F8: variants seen among roughly 807,000 people sequenced by gnomAD.
The protein encoded by F8 is antihemophilic factor.
In F8, 12 loss-of-function variants were observed where a neutral mutation model predicts 140.6. The observed-to-expected ratio is 0.09, with a 90% confidence interval of 0.05 to 0.14. The LOEUF (loss-of-function observed/expected upper bound fraction) is 0.14. Among genes scored for constraint, F8 ranks in the 10% least tolerant of loss-of-function variants. F8 has a pLI of 1.00. For missense variants in F8, 1,354 were observed against 1,720.7 expected (o/e 0.79, Z 3.77); for synonymous variants, 585 against 614.6 (o/e 0.95, Z 0.71).
At position 154,992,750 on chromosome X, in the gene F8, G is replaced by A. The variant is rs781841332; in HGVS notation, c.601+186C>T. On this transcript the variant is annotated intron_variant, in intron 4 of 25. Transcript: ENST00000360256. ...TCCTGATCCCAGCTTAGAGTTTATT[G>A]TGGTTATATAGAATGCATATCTGCT... Among the ~76,000 whole-genome samples, 4 of 112,669 alleles carry A rather than the reference G, an allele frequency of 3.6e-5. No homozygotes were observed. The East Asian group carries it at 8.4e-4, about 24-fold the overall frequency.
At chrX:154,966,915 A>G (rs1244181366) in intron 7 of F8, among the ~76,000 whole-genome samples, 2 of 110,411 alleles carry the variant, frequency 1.8e-5, no homozygotes, top group Non-Finnish European at 3.8e-5. Context: ...TGAAAGCAGG[A>G]GCAAGACAGA....
chrX:154,943,971 G>A (rs1336841665), intron 13 of F8, among the ~76,000 whole-genome samples: 1 of 111,808 alleles, frequency 8.9e-6, no homozygotes. Flanking sequence ...GCCATATGTA[G>A]AAAGCTGAAA....
At position 154,954,804 on chromosome X, in the gene F8, A is replaced by G. The variant is rs28370211; in HGVS notation, c.1753-762T>C. On this transcript the variant is annotated intron_variant, in intron 11 of 25. Coordinates refer to ENST00000360256, the MANE Select transcript of F8 (RefSeq NM_000132.4). ...TTCCCAAAAGTGACGAAAAAACTAT[A>G]GTTAGGAAAAATCGGTCAGGACAAG... Among the ~76,000 whole-genome samples, 820 of 112,148 alleles carry G rather than the reference A, an allele frequency of 7.3e-3. 12 individuals are homozygous for G. Among genetic ancestry groups the G allele is most frequent in the African/African-American group, 0.024 (744 of 30,837 alleles).
At chrX:154,934,615 G>T (rs2073214216) in intron 13 of F8, among the ~76,000 whole-genome samples, 1 of 110,933 alleles carries the variant, frequency 9.0e-6, no homozygotes, top group South Asian at 3.9e-4. Flanking sequence ...GGGAGGGGAG[G>T]AAAGAAATTC....
At chrX:154,881,595 CGGGGGA>C (rs2072861377) in intron 22 of F8, among the ~76,000 whole-genome samples, 1 of 107,082 alleles carries the variant, frequency 9.3e-6, no homozygotes, top group Non-Finnish European at 1.9e-5. Flanking sequence ...GGAGCGGGGG[CGGGGGA>C]GGGGGCTCAT....
At chrX:154,847,911 G>T (rs1405497553) in intron 25 of F8, among the ~76,000 whole-genome samples, 1 of 112,795 alleles carries the variant, frequency 8.9e-6, no homozygotes, top group East Asian at 2.8e-4. Flanking sequence ...CCCCATCTTT[G>T]TGGTTTTATC....
chrX:154,853,079 G>A (rs11799036), intron 25 of F8, among the ~76,000 whole-genome samples: 49,999 of 109,513 alleles, frequency 0.46, 10,385 homozygotes, highest in East Asian at 0.74. Flanking sequence ...CATATTTGCT[G>A]TCTTCAGACC....
Position 154,928,731 on chromosome X carries a change from T to G in F8, c.5059A>C (p.Ile1687Leu). Residue 1687 changes from isoleucine to leucine, a missense_variant, in exon 14 of 26, where the codon ATA (isoleucine) becomes CTA (leucine). By Grantham distance (5) the Ile-to-Leu change is conservative. Around this residue, in one of 4 missense-constraint regions of F8, gnomAD observed 658 missense variants for 666.5 expected, o/e 0.99. Coordinates refer to ENST00000360256, the MANE Select transcript of F8 (RefSeq NM_000132.4). ...DQEEIDYDDT[I>L]SVEMKKEDFD... is the part of the protein sequence containing the mutation. ...TCTTCCTTCTTCATTTCAACTGATA[T>G]GGTATCATCATAGTCAATTTCCTCT... 1 of 1,210,931 alleles carries G rather than the reference T, an allele frequency of 8.3e-7. No individual in the cohort carries two copies. The highest frequency in any genetic ancestry group is 1.8e-5 in the South Asian group (1 of 56,727).
chrX:154,945,510 C>A (rs1459039376), intron 13 of F8, among the ~76,000 whole-genome samples: 1 of 112,177 alleles, frequency 8.9e-6, no homozygotes, highest in Non-Finnish European at 1.9e-5. Context: ...AACAAATGAT[C>A]ATTTCAATTG....
At position 155,022,557 on chromosome X, in the gene F8, T is replaced by A; in HGVS notation, c.-5A>T. 8.2e-7 allele frequency: 1 copy of A among 1,212,142 alleles called. No individual in the cohort carries two copies. The highest frequency in any genetic ancestry group is 1.1e-6 in the Non-Finnish European group (1 of 895,516). On this transcript the variant is annotated 5_prime_UTR_variant, in exon 1 of 26. Coordinates refer to ENST00000360256, the MANE Select transcript of F8 (RefSeq NM_000132.4). Reference sequence around the variant, plus strand: ...GGTGGAGAGCTCTATTTGCATGACTTATTGCTACAAATGTTCAACTGGAGA... The same window carrying A: ...GGTGGAGAGCTCTATTTGCATGACTAATTGCTACAAATGTTCAACTGGAGA...
intron 14 of F8, chrX:154,919,653 T>C (rs1043159258): frequency 5.4e-6 from 3 of 555,349 alleles, no homozygotes; most frequent in Admixed American, 6.0e-5. Flanking sequence ...ACTTCATCCT[T>C]TGGATATAAT....
At chrX:154,939,510 C>T (rs913543572) in intron 13 of F8, among the ~76,000 whole-genome samples, 5 of 112,648 alleles carry the variant, frequency 4.4e-5, no homozygotes, top group Admixed American at 1.9e-4. Context: ...GTAAACAAAG[C>T]GGCCGGGAAG....
At chrX:154,880,082 T>G (rs2072849011) in intron 22 of F8, among the ~76,000 whole-genome samples, 1 of 112,291 alleles carries the variant, frequency 8.9e-6, no homozygotes, top group South Asian at 3.7e-4. Flanking sequence ...ATAATGGTTT[T>G]AACTAACAAT....
rs892955433 is a variant in F8, at chrX:154,836,622, T to C, written c.*975A>G. The C allele has an allele frequency of 8.9e-6, 1 of 112,038 alleles. No homozygotes were observed. Among genetic ancestry groups the C allele is most frequent in the Non-Finnish European group, 1.9e-5 (1 of 53,221 alleles). 9.2% of individuals were successfully genotyped at this position (112,038 alleles called of 1,213,427 possible). A position where few individuals can be genotyped will look rare whatever the true frequency, so the allele number is the denominator to read the frequency against. On this transcript the variant is annotated 3_prime_UTR_variant, in exon 26 of 26. Coordinates refer to ENST00000360256, the MANE Select transcript of F8 (RefSeq NM_000132.4). ...GGAGAGAGTAAACTGAGTGCATTAT[T>C]AGAATTACAAAGTTTGTATCTCCTA...
chrX:154,948,171 G>C (rs1179399598), intron 12 of F8, among the ~76,000 whole-genome samples: 2 of 111,177 alleles, frequency 1.8e-5, no homozygotes, highest in Non-Finnish European at 3.8e-5. Flanking sequence ...CAAGATGTTT[G>C]CATGGTCTTA....
chrX:155,020,951 G>A (rs782670092), intron 1 of F8, among the ~76,000 whole-genome samples: 78 of 111,871 alleles, frequency 7.0e-4, no homozygotes, highest in African/African-American at 2.5e-3. Flanking sequence ...CATTCCCTTC[G>A]TTCCATTAAT....
intron 14 of F8, among the ~76,000 whole-genome samples, chrX:154,911,343 C>T (rs917237378): frequency 9.2e-6 from 1 of 108,418 alleles, no homozygotes; most frequent in Non-Finnish European, 1.9e-5. Context: ...ATCAACCTCT[C>T]TTCATTCCAT....
intron 25 of F8, among the ~76,000 whole-genome samples, chrX:154,840,786 A>C (rs782095091): frequency 1.8e-5 from 2 of 112,256 alleles, no homozygotes; most frequent in African/African-American, 6.5e-5. Flanking sequence ...GCAGAGGCAC[A>C]AAAGAGTGTG....
chrX:155,009,196 C>G (rs377438790), intron 1 of F8, among the ~76,000 whole-genome samples: 2 of 109,478 alleles, frequency 1.8e-5, no homozygotes, highest in East Asian at 5.8e-4. Context: ...TTTAAACATA[C>G]TCTAATGTCA....
Sources: gnomAD v4.1 joint callset for allele counts (sites outside exome capture counted in the v4.1 genomes callset) on GRCh38, gnomAD v4.1.1 for gene constraint, gnomAD v4.1.1 regional missense constraint, MANE v1.5 for transcripts, NCBI Gene and HGNC (gene_info 2026-07-23, HGNC 2026-07-21) for gene names.